The following PNPLA7 variants were observed in gnomAD, a reference collection of about 807,000 sequenced individuals.
The protein encoded by PNPLA7 is patatin-like phospholipase domain-containing protein 7.
PNPLA7 carries 153 observed loss-of-function variants against 161.7 expected under a neutral mutation model. That is an observed-to-expected ratio of 0.95 (90% confidence interval 0.83 to 1.08). PNPLA7 has a LOEUF of 1.08. Ranked by LOEUF, PNPLA7 falls within the 50% of genes least tolerant of loss-of-function variation. The pLI, the probability that PNPLA7 is intolerant of heterozygous loss-of-function variation, is 0.00. For missense variants in PNPLA7, 1,739 were observed against 1,856.6 expected (o/e 0.94, Z 1.16); for synonymous variants, 809 against 782.1 (o/e 1.03, Z -0.57).
chr9:137,462,283 C>T lies in PNPLA7; in HGVS notation c.3541G>A (p.Val1181Met), dbSNP rs926468339. The change falls in exon 31 of 35, where the codon GTG becomes ATG. Residue 1181 changes from valine to methionine, a missense_variant. By Grantham distance (21) the Val-to-Met change is conservative (BLOSUM62 1). Transcript: ENST00000406427. ...IQTRLAYVCC[V>M]RQLEVVKSSD... ...CTCTTCACCACCTCCAGCTGCCGCA[C>T]GCAACACACGTAGGCCAGGCGCGTC... The T allele has an allele frequency of 1.2e-6, 2 of 1,611,834 alleles. No individual in the cohort carries two copies. The highest frequency in any genetic ancestry group is 1.3e-5 in the African/African-American group (1 of 75,016).
chr9:137,505,582 A>G (rs1256096780), intron 14 of PNPLA7, 32 bp downstream of exon 14: 4 of 1,610,942 alleles, frequency 2.5e-6, no homozygotes, highest in Non-Finnish European at 3.4e-6. Flanking sequence ...CCTGGGTGGG[A>G]CAAGGGCCAG....
rs1156793568 is a variant in PNPLA7, at chr9:137,547,128, G to A, written c.193+181C>T. On this transcript the variant is annotated intron_variant, in intron 3 of 34. Transcript: ENST00000406427. This position sits in a 1 kb window ranked among gnomAD's most constrained non-coding sequence, Gnocchi z 4.6. ...CTTGCTCAGGAGAGGAGAACAGAAA[G>A]GGCTCTGAACAGACTTGGCTTCCTG... Among the ~76,000 whole-genome samples the A allele has an allele frequency of 1.3e-5, 2 of 152,162 alleles. No individual in the cohort carries two copies. The highest frequency in any genetic ancestry group is 6.5e-5 in the Admixed American group (1 of 15,280).
At chr9:137,512,782 A>G (rs1287663849) in intron 12 of PNPLA7, among the ~76,000 whole-genome samples, 1 of 151,694 alleles carries the variant, frequency 6.6e-6, no homozygotes, top group Non-Finnish European at 1.5e-5. Flanking sequence ...TCTACAGGAA[A>G]CAAGAAAAAT....
Position 137,547,291 on chromosome 9 carries a change from C to T in PNPLA7, c.193+18G>A, listed in dbSNP as rs776737710. ...TTCCCCCAACCCCCCGGGCCAGAGT[C>T]GGAACCAAGATACTCACGAAATTGT... On this transcript the variant is annotated intron_variant, in intron 3 of 34. Transcript: ENST00000406427. The surrounding 1 kb of genome is among the most constrained non-coding windows in gnomAD (Gnocchi z 4.6). 25 of 1,612,018 alleles carry T rather than the reference C, an allele frequency of 1.6e-5. No homozygotes were observed. Among genetic ancestry groups the T allele is most frequent in the Admixed American group, 1.2e-4 (7 of 59,998 alleles).
Position 137,470,243 on chromosome 9 carries a change from C to T in PNPLA7, c.2883-2770G>A, listed in dbSNP as rs966091012. 5.5e-4 allele frequency among the ~76,000 whole-genome samples: 83 copies of T among 152,220 alleles called. 2 individuals carry two copies. Among genetic ancestry groups the T allele is most frequent in the Middle Eastern group, 3.4e-3 (1 of 294 alleles). ...GTTGCCCAGGCTGGTCTGGAACTCT[C>T]GGGCTCAAGAAATCCTCCCTCCTTG... is the stretch of plus-strand genomic sequence containing the variant. On this transcript the variant is annotated intron_variant, in intron 25 of 34. Transcript: ENST00000406427.
Position 137,467,195 on chromosome 9 carries a change from G to T in PNPLA7, c.3039+122C>A. 7.5e-7 allele frequency: 1 copy of T among 1,340,880 alleles called. No homozygotes were observed. The highest frequency in any genetic ancestry group is 9.9e-7 in the Non-Finnish European group (1 of 1,007,142). The allele number at this position is 1,340,880 out of a possible 1,614,324, so 83.1% of individuals were successfully genotyped here. A position where few individuals can be genotyped will look rare whatever the true frequency, so the allele number is the denominator to read the frequency against. ...AAGCTGCACTGGGAGGCTTCAGGGG[G>T]TAGCCTCCTCGAGGGCAGGGCCCTG... On this transcript the variant is annotated intron_variant, in intron 26 of 34. Coordinates refer to ENST00000406427, the MANE Select transcript of PNPLA7 (RefSeq NM_001098537.3). This position sits in a 1 kb window ranked among gnomAD's most constrained non-coding sequence, Gnocchi z 5.1.
intron 12 of PNPLA7, chr9:137,509,755 C>T (rs926229210): frequency 5.9e-5 from 27 of 455,558 alleles, no homozygotes; most frequent in Middle Eastern, 3.3e-4. Flanking sequence ...GAGGAGTAGA[C>T]GCTGGTGTCT....
Position 137,522,798 on chromosome 9 carries a change from G to C in PNPLA7, c.807C>G (p.Leu269=), listed in dbSNP as rs572889850. 1.1e-5 allele frequency: 18 copies of C among 1,613,892 alleles called. No individual in the cohort carries two copies. In the South Asian group the frequency reaches 1.9e-4, roughly 17 times the overall value. The stretch of plus-strand genomic sequence containing the variant: ...CATGAAAAGCCGCAGCTGGAAGCCG[G>C]AGGATGGTGGACGGGATGGCCGCGC... ...SVRAAIPSTI[L]RLPAAAFHGV... The change falls in exon 9 of 35, where the codon CTC becomes CTG. Residue 269 remains leucine (L), a synonymous_variant. Transcript: ENST00000406427.
chr9:137,508,813 G>C (rs577525298), intron 12 of PNPLA7: 237 of 152,204 alleles, frequency 1.6e-3, no homozygotes, highest in African/African-American at 5.6e-3. Flanking sequence ...AAAGTGAATA[G>C]AAAATATTTT....
Position 137,505,174 on chromosome 9 carries a change from C to A in PNPLA7, c.1473+440G>T, listed in dbSNP as rs191514937. On this transcript the variant is annotated intron_variant, in intron 14 of 34. Transcript: ENST00000406427. ...CTGCACTCCAGCCTGGGCGATACTG[C>A]GAGACTCTGTCTCAAAAAAAAAAAA... 2.5e-4 allele frequency among the ~76,000 whole-genome samples: 27 copies of A among 106,126 alleles called. No homozygotes were observed. The East Asian group carries it at 7.6e-3, about 30-fold the overall frequency. 69.6% of individuals were successfully genotyped at this position (106,126 alleles called of 152,430 possible).
Position 137,515,536 on chromosome 9 carries a change from C to G in PNPLA7, c.1085-17G>C. 6.6e-7 allele frequency: 1 copy of G among 1,523,238 alleles called. No individual in the cohort carries two copies. Among genetic ancestry groups the G allele is most frequent in the Non-Finnish European group, 8.8e-7 (1 of 1,138,620 alleles). The allele number at this position is 1,523,238 out of a possible 1,614,324, so 94.4% of individuals were successfully genotyped here. On this transcript the variant is annotated splice_polypyrimidine_tract_variant and intron_variant, in intron 11 of 34. Transcript: ENST00000406427. ...CCCCGTGATCTGCTGGGGAGGCAGC[C>G]GTAAGCAACCTTGTTTGCACGCACT... is the stretch of plus-strand genomic sequence containing the variant.
chr9:137,475,010 C>CAAAAAAAAA (rs58417100), intron 25 of PNPLA7, among the ~76,000 whole-genome samples: 43 of 63,614 alleles, frequency 6.8e-4, no homozygotes, highest in African/African-American at 2.9e-3. Flanking sequence ...GACTCTGCCT[C>CAAAAAAAAA]AAAAAAAAAA....
intron 34 of PNPLA7, 65 bp downstream of exon 34, chr9:137,460,569 C>A: frequency 6.3e-7 from 1 of 1,594,586 alleles, no homozygotes; most frequent in Non-Finnish European, 8.6e-7. Context: ...AGGGAGTGGC[C>A]GGCACAGGGC....
rs373821723 is a variant in PNPLA7, at chr9:137,510,209, G to A, written c.1226-4126C>T. 9.9e-5 allele frequency among the ~76,000 whole-genome samples: 15 copies of A among 152,172 alleles called. No individual in the cohort carries two copies. The East Asian group carries it at 1.6e-3, about 16-fold the overall frequency. On this transcript the variant is annotated intron_variant, in intron 12 of 34. Coordinates refer to ENST00000406427, the MANE Select transcript of PNPLA7 (RefSeq NM_001098537.3). ...CGGGAAAGGGAGTCTCCCTTTCCCC[G>A]GGGAGTTTAGAGAAGACTCTGCTCC...
At chr9:137,477,241 T>A (rs1407348182) in intron 25 of PNPLA7, among the ~76,000 whole-genome samples, 1 of 152,200 alleles carries the variant, frequency 6.6e-6, no homozygotes, top group East Asian at 1.9e-4. Flanking sequence ...GTTCCAAGGG[T>A]ATTTATTCAA....
In PNPLA7 at chr9:137,468,079, T is replaced by G. The variant is rs1831558156; in HGVS notation, c.2883-606A>C. On this transcript the variant is annotated intron_variant, in intron 25 of 34. Transcript: ENST00000406427. The surrounding 1 kb of genome is among the most constrained non-coding windows in gnomAD (Gnocchi z 4.0). ...TGAGAGGTGGTGGGAAAACTGGACT[T>G]GAGGGGCCCTGGAAGGGAGGAGCCT... 1.3e-5 allele frequency among the ~76,000 whole-genome samples: 2 copies of G among 150,958 alleles called. No homozygotes were observed. Among genetic ancestry groups the G allele is most frequent in the Non-Finnish European group, 3.0e-5 (2 of 67,734 alleles).
At position 137,476,145 on chromosome 9, in the gene PNPLA7, G is replaced by A. The variant is rs1831937151; in HGVS notation, c.2882+1889C>T. Among the ~76,000 whole-genome samples, 1 of 152,194 alleles carries A rather than the reference G, an allele frequency of 6.6e-6. No homozygotes were observed. The highest frequency in any genetic ancestry group is 6.5e-5 in the Admixed American group (1 of 15,274). ...ATACGAAGAGGCTAGAGGGCTTTCG[G>A]GAGGATGACTCCTGAAAAGTAAACA... On this transcript the variant is annotated intron_variant, in intron 25 of 34. Coordinates refer to ENST00000406427, the MANE Select transcript of PNPLA7 (RefSeq NM_001098537.3). This position sits in a 1 kb window ranked among gnomAD's most constrained non-coding sequence, Gnocchi z 4.5.
intron 7 of PNPLA7, 48 bp downstream of exon 7, chr9:137,542,594 A>G: frequency 6.8e-7 from 1 of 1,473,654 alleles, no homozygotes; most frequent in South Asian, 1.3e-5. Flanking sequence ...ACAGACGTGG[A>G]GGTAAATGCG....
chr9:137,488,666 G>A (rs1156798506), intron 20 of PNPLA7, among the ~76,000 whole-genome samples: 7 of 152,064 alleles, frequency 4.6e-5, no homozygotes, highest in African/African-American at 1.7e-4. Context: ...CTCCCCATGG[G>A]AGCTGCCTCT....
Sources: gnomAD v4.1 joint callset for allele counts (sites outside exome capture counted in the v4.1 genomes callset) on GRCh38, gnomAD v4.1.1 for gene constraint, Gnocchi (gnomAD v3.1) non-coding constraint, MANE v1.5 for transcripts, NCBI Gene and HGNC (gene_info 2026-07-23, HGNC 2026-07-21) for gene names.